Variants in MORC2 observed in about 807,000 individuals in gnomAD.
MORC2 encodes ATPase MORC2.
MORC2 carries 30 observed loss-of-function variants against 136.0 expected under a neutral mutation model. The observed-to-expected ratio is 0.22, with a 90% CI of 0.17 to 0.30. The LOEUF (loss-of-function observed/expected upper bound fraction) is 0.30, where lower values mean the gene tolerates loss of function less well. MORC2 is among the 10% of genes least tolerant of loss of function. The pLI is 1.00. For synonymous variants in MORC2, 439 were observed against 487.0 expected, an observed-to-expected ratio of 0.90 and a Z score of 1.30; for missense variants, 922 against 1,333.1, an observed-to-expected ratio of 0.69 and a Z score of 4.80.
At chr22:30,936,321 T>C (rs528488521) in intron 17 of MORC2, among the ~76,000 whole-genome samples, 190 bp downstream of exon 17, 3 of 152,314 alleles carry the variant, frequency 2.0e-5, no homozygotes, top group South Asian at 2.1e-4. Flanking sequence ...CAAGGTGTTA[T>C]TCTTAAAATA....
intron 1 of MORC2, among the ~76,000 whole-genome samples, chr22:30,965,260 C>T (rs1029785553): frequency 3.3e-5 from 5 of 152,210 alleles, no homozygotes; most frequent in East Asian, 3.8e-4. Context: ...GAAATGGTCT[C>T]GTGTTCCTAA....
intron 5 of MORC2, among the ~76,000 whole-genome samples, chr22:30,949,356 T>A (rs914519867): frequency 2.6e-5 from 4 of 152,204 alleles, no homozygotes; most frequent in African/African-American, 9.7e-5. Context: ...AAGCATGACA[T>A]GCAGCAGGTG....
intron 3 of MORC2, among the ~76,000 whole-genome samples, chr22:30,950,975 T>C (rs1334152995): frequency 6.6e-6 from 1 of 152,232 alleles, no homozygotes; most frequent in Non-Finnish European, 1.5e-5. Context: ...GATGAAGTAC[T>C]GTGTCTATAC....
intron 1 of MORC2, chr22:30,963,326 A>G: frequency 3.0e-6 from 3 of 984,360 alleles, no homozygotes; most frequent in Non-Finnish European, 3.6e-6. Flanking sequence ...GTGATCCAAG[A>G]AAGGTGAACT....
At chr22:30,940,120 G>T (rs1178022701) in intron 10 of MORC2, 79 bp from the exon 11 acceptor site, 1 of 1,388,270 alleles carries the variant, frequency 7.2e-7, no homozygotes, top group East Asian at 2.3e-5. Flanking sequence ...CACAGTACTG[G>T]ACACGAAGTG....
intron 1 of MORC2, chr22:30,963,227 C>T (rs1429166290): frequency 9.8e-6 from 7 of 717,298 alleles, no homozygotes; most frequent in African/African-American, 5.8e-5. Context: ...CCACCCACCT[C>T]GGCCTCCCAA....
At chr22:30,962,943 C>T (rs990429103) in intron 1 of MORC2, among the ~76,000 whole-genome samples, 1 of 152,076 alleles carries the variant, frequency 6.6e-6, no homozygotes, top group Non-Finnish European at 1.5e-5. Context: ...TCATTGCTAG[C>T]TAGCATTTGG....
Position 30,932,132 on chromosome 22 carries a change from G to T in MORC2, c.2841+227C>A, listed in dbSNP as rs1196856451. On this transcript the variant is annotated intron_variant, in intron 24 of 25. Transcript: ENST00000397641. The surrounding 1 kb of genome is among the most constrained non-coding windows in gnomAD (Gnocchi z 4.4). ...ACTCCTAGCACCTGTGGTGGGAAGGGGTTGGCTTTCTGCACACCAGAGTCA... is the reference window on the plus strand; with the variant it reads ...ACTCCTAGCACCTGTGGTGGGAAGGTGTTGGCTTTCTGCACACCAGAGTCA... 3 of 490,988 alleles carry T rather than the reference G, an allele frequency of 6.1e-6. No homozygotes were observed. The highest frequency in any genetic ancestry group is 1.1e-5 in the Non-Finnish European group (3 of 274,166). The allele number at this position is 490,988 out of a possible 1,614,324, so 30.4% of individuals were successfully genotyped here. A position where few individuals can be genotyped will look rare whatever the true frequency, so the allele number is the denominator to read the frequency against.
intron 6 of MORC2, among the ~76,000 whole-genome samples, chr22:30,943,380 G>C (rs1307761631): frequency 6.6e-6 from 1 of 152,200 alleles, no homozygotes; most frequent in African/African-American, 2.4e-5. Context: ...TGTGATGGTG[G>C]CAACACAGGT....
At chr22:30,945,834 C>CACCTGCTTTACT (rs1201752654) in intron 6 of MORC2, among the ~76,000 whole-genome samples, 1 of 152,210 alleles carries the variant, frequency 6.6e-6, no homozygotes, top group Non-Finnish European at 1.5e-5. Flanking sequence ...TCCATACACT[C>CACCTGCTTTACT]ACCTGCTTTA....
chr22:30,961,451 C>T (rs2041044129), intron 1 of MORC2, among the ~76,000 whole-genome samples: 1 of 152,098 alleles, frequency 6.6e-6, no homozygotes, highest in Non-Finnish European at 1.5e-5. Context: ...ATATAAGTGA[C>T]TTAGAAACTT....
Position 30,942,155 on chromosome 22 carries a change from C to A in MORC2, c.543G>T (p.Glu181Asp), listed in dbSNP as rs1188036088. 6.2e-7 allele frequency: 1 copy of A among 1,614,164 alleles called. No individual in the cohort carries two copies. Among genetic ancestry groups the A allele is most frequent in the South Asian group, 1.1e-5 (1 of 91,084 alleles). ...TCATAAACTGGGTCATCACTTCCTC[C>A]TCAGTGCGGAATGGAGAGTACTTAT... ...LIYKYSPFRT[E>D]EEVMTQFMKI... Residue 181 changes from glutamate (E) to aspartate (D), a missense_variant, in exon 7 of 26, where the codon GAG becomes GAT. Around this residue, in one of 9 missense-constraint regions of MORC2, gnomAD observed 261 missense variants for 354.3 expected, o/e 0.74. Transcript: ENST00000397641.
intron 12 of MORC2, among the ~76,000 whole-genome samples, chr22:30,938,848 C>T (rs1390635308): frequency 6.6e-6 from 1 of 152,180 alleles, no homozygotes; most frequent in East Asian, 1.9e-4. Context: ...GGATTACAGG[C>T]GTGAGCCACC....
intron 6 of MORC2, 99 bp from the exon 7 acceptor site, chr22:30,942,370 C>A (rs2040754289): frequency 1.5e-6 from 2 of 1,376,950 alleles, no homozygotes; most frequent in African/African-American, 1.4e-5. Context: ...CAGCTCCACA[C>A]TGCCCTGTAG....
chr22:30,947,336 A>G (rs923620121), intron 5 of MORC2, among the ~76,000 whole-genome samples: 4 of 152,224 alleles, frequency 2.6e-5, no homozygotes, highest in Non-Finnish European at 5.9e-5. Flanking sequence ...AGGCCTTTCC[A>G]GGCAACGCAG....
rs1342240690 is a variant in MORC2, at chr22:30,950,408, G to A, written c.195C>T (p.Cys65=). The part of the protein sequence containing the change: ...REDLRGGFML[C]FLDDGAGMDP... The stretch of plus-strand genomic sequence containing the variant: ...CCATTCCTGCTCCATCATCCAAAAA[G>A]CAAAGCATAAATCCTCCTCGAAGGT... The change falls in exon 4 of 26, where the codon TGC becomes TGT. Residue 65 remains cysteine (C), a synonymous_variant. Transcript: ENST00000397641. 2 of 1,359,910 alleles carry A rather than the reference G, an allele frequency of 1.5e-6. No individual in the cohort carries two copies. Among genetic ancestry groups the A allele is most frequent in the Admixed American group, 4.4e-5 (2 of 45,506 alleles). 84.2% of individuals were successfully genotyped at this position (1,359,910 alleles called of 1,614,324 possible).
At chr22:30,966,620 A>T (rs544876475) in intron 1 of MORC2, among the ~76,000 whole-genome samples, 8 of 152,212 alleles carry the variant, frequency 5.3e-5, no homozygotes. Context: ...CTCTAAAAAA[A>T]TACAAAAATT....
In MORC2 at chr22:30,937,739, T is replaced by C; in HGVS notation, c.1370-28A>G. On this transcript the variant is annotated intron_variant, in intron 14 of 25. Coordinates refer to ENST00000397641, the MANE Select transcript of MORC2 (RefSeq NM_001303256.3). The surrounding 1 kb of genome is among the most constrained non-coding windows in gnomAD (Gnocchi z 4.7). ...GGAAAGCAAACACCGATACATCATG[T>C]TAGGAGCCAGCCTCTCTCTCTCCCT... 6.2e-7 allele frequency: 1 copy of C among 1,614,074 alleles called. No homozygotes were observed. Among genetic ancestry groups the C allele is most frequent in the African/African-American group, 1.3e-5 (1 of 75,024 alleles).
At chr22:30,962,512 C>T (rs1478932402) in intron 1 of MORC2, among the ~76,000 whole-genome samples, 4 of 151,396 alleles carry the variant, frequency 2.6e-5, no homozygotes, top group Non-Finnish European at 5.9e-5. Flanking sequence ...GGAGGATGGC[C>T]TGAGCCTAAG....
Sources: allele counts gnomAD v4.1 joint callset (sites outside exome capture counted in the v4.1 genomes callset), GRCh38; gene constraint gnomAD v4.1.1; regional missense constraint gnomAD v4.1.1; non-coding constraint Gnocchi (gnomAD v3.1); transcripts MANE v1.5; gene names NCBI Gene and HGNC (gene_info 2026-07-23, HGNC 2026-07-21).